The following NDC80 variants were observed in gnomAD, a reference collection of about 807,000 sequenced individuals.
NDC80 encodes kinetochore protein NDC80 homolog.
Under a neutral mutation model 89.3 loss-of-function variants are expected in NDC80, and 69 were observed. That is an observed-to-expected ratio of 0.77 (90% CI 0.64 to 0.94). The LOEUF (loss-of-function observed/expected upper bound fraction) is 0.94. Ranked by LOEUF, NDC80 falls within the 40% of genes least tolerant of loss-of-function variation. The probability of loss-of-function intolerance (pLI) is 0.00; values close to 1 mark genes in which losing one functional copy is unlikely to be tolerated. For missense variants in NDC80, 593 were observed against 739.6 expected (o/e 0.80, Z 2.30); for synonymous variants, 243 against 255.6 (o/e 0.95, Z 0.47).
Position 2,577,848 on chromosome 18 carries a change from G to A in NDC80, c.282G>A (p.Gln94=), listed in dbSNP as rs377276946. The change falls in exon 4 of 17, where the codon CAG becomes CAA. Residue 94 remains glutamine, a synonymous_variant. Coordinates refer to ENST00000261597, the MANE Select transcript of NDC80 (RefSeq NM_006101.3). The stretch of plus-strand genomic sequence containing the variant: ...TTAATGACAAAGCATTCATTCAGCA[G>A]TGTATTCGACAACTCTGTGAGGTAC... The part of the protein sequence containing the change: ...RPLNDKAFIQ[Q]CIRQLCEFLT... The A allele has an allele frequency of 1.9e-6, 3 of 1,613,998 alleles. No homozygotes were observed. In the African/African-American group the frequency reaches 4.0e-5, roughly 22 times the overall value.
At chr18:2,592,473 A>C (rs2072632650) in intron 10 of NDC80, among the ~76,000 whole-genome samples, 1 of 150,998 alleles carries the variant, frequency 6.6e-6, no homozygotes, top group Non-Finnish European at 1.5e-5. Context: ...CTCCTCCCTC[A>C]GTTTCCCAAG....
chr18:2,610,692 G>A, intron 15 of NDC80, 67 bp from the exon 16 acceptor site: 2 of 982,550 alleles, frequency 2.0e-6, no homozygotes, highest in Non-Finnish European at 3.0e-6. Flanking sequence ...AATGGGAAGT[G>A]AGCTAACTAG....
At chr18:2,609,313 C>G (rs1208440056) in intron 15 of NDC80, among the ~76,000 whole-genome samples, 1 of 152,076 alleles carries the variant, frequency 6.6e-6, no homozygotes, top group East Asian at 1.9e-4. Context: ...TGTGCAAAAT[C>G]ATGCCATAAA....
intron 3 of NDC80, among the ~76,000 whole-genome samples, chr18:2,576,090 C>T (rs2072545176): frequency 1.3e-5 from 2 of 152,142 alleles, no homozygotes; most frequent in Non-Finnish European, 2.9e-5. Flanking sequence ...CAGAGAAACA[C>T]CCTGTCTCAA....
chr18:2,610,707 G>A (rs2072738493), intron 15 of NDC80, 52 bp from the exon 16 acceptor site: 1 of 1,216,460 alleles, frequency 8.2e-7, no homozygotes, highest in Admixed American at 2.0e-5. Context: ...AACTAGAACG[G>A]ATGTATTAAT....
At position 2,606,459 on chromosome 18, in the gene NDC80, G is replaced by T; in HGVS notation, c.1509G>T (p.Leu503=). Residue 503 remains leucine (L), a synonymous_variant, in exon 14 of 17, where the codon CTG becomes CTT. Coordinates refer to ENST00000261597, the MANE Select transcript of NDC80 (RefSeq NM_006101.3). ...ITESKRSVRT[L]KEEVQKLDDL... ...AAAGCAAGAGAAGTGTGAGAACTCT[G>T]AAAGAAGAAGTTCAAAAGCTGGATG... 6.2e-7 allele frequency: 1 copy of T among 1,604,396 alleles called. No individual in the cohort carries two copies. Among genetic ancestry groups the T allele is most frequent in the East Asian group, 2.3e-5 (1 of 44,250 alleles).
In NDC80 at chr18:2,577,563, G is replaced by A. The variant is rs114018491; in HGVS notation, c.180-183G>A. On this transcript the variant is annotated intron_variant, in intron 3 of 16. Transcript: ENST00000261597. ...TTTTACATCCTTATCTTTAACTGCT[G>A]TAACCTCATATTTTACTCTTCGTTA... 3.8e-3 allele frequency among the ~76,000 whole-genome samples: 572 copies of A among 152,254 alleles called. 5 individuals are homozygous for A. Among genetic ancestry groups the A allele is most frequent in the African/African-American group, 0.013 (556 of 41,536 alleles).
intron 13 of NDC80, among the ~76,000 whole-genome samples, chr18:2,602,328 A>AAG (rs2072687931): frequency 6.6e-6 from 1 of 152,214 alleles, no homozygotes; most frequent in Admixed American, 6.5e-5. Flanking sequence ...ATCAAGACTT[A>AAG]CTTTGTATTA....
Position 2,579,029 on chromosome 18 carries a change from G to T in NDC80, c.579G>T (p.Lys193Asn). 1 of 1,516,462 alleles carries T rather than the reference G, an allele frequency of 6.6e-7. No individual in the cohort carries two copies. Among genetic ancestry groups the T allele is most frequent in the Non-Finnish European group, 8.8e-7 (1 of 1,130,216 alleles). The allele number at this position is 1,516,462 out of a possible 1,614,324, so 93.9% of individuals were successfully genotyped here. ...TAGTTTGGCTAATAGACTGCATCAA[G>T]GTATTTGATTTGTTCTTTTGAAATG... ...AALVWLIDCI[K>N]IHTAMKESSP... Residue 193 changes from lysine to asparagine, a missense_variant and splice_region_variant, in exon 6 of 17, where the codon AAG becomes AAT. Transcript: ENST00000261597.
intron 10 of NDC80, chr18:2,593,904 C>CTTTAT: frequency 5.5e-6 from 1 of 183,242 alleles, no homozygotes; most frequent in Admixed American, 9.4e-5. Context: ...TTTTATTTTA[C>CTTTAT]TTTATTTTAT....
At chr18:2,578,575 CAG>C (rs796280558) in intron 5 of NDC80, among the ~76,000 whole-genome samples, 3 of 152,016 alleles carry the variant, frequency 2.0e-5, no homozygotes, top group African/African-American at 7.2e-5. Flanking sequence ...CTGGTGAAAA[CAG>C]AGTGTGATGA....
Position 2,601,822 on chromosome 18 carries a change from C to T in NDC80, c.1464+337C>T, listed in dbSNP as rs543124263. Among the ~76,000 whole-genome samples, 32 of 152,050 alleles carry T rather than the reference C, an allele frequency of 2.1e-4. 1 individual carries two copies. The highest frequency in any genetic ancestry group is 6.7e-4 in the African/African-American group (28 of 41,512). On this transcript the variant is annotated intron_variant, in intron 13 of 16. Transcript: ENST00000261597. ...CCTTGAAAGTAGGCAAGTATAATTACGGCGTTAGAAGCTAATTAGCTGTGA... is the reference window on the plus strand; with the variant it reads ...CCTTGAAAGTAGGCAAGTATAATTATGGCGTTAGAAGCTAATTAGCTGTGA...
rs1598366870 is a variant in NDC80 at position 2,587,811 on chromosome 18, A to G, written c.670-19A>G. 1.3e-6 allele frequency: 2 copies of G among 1,591,680 alleles called. No individual in the cohort carries two copies. The highest frequency in any genetic ancestry group is 4.5e-5 in the East Asian group (2 of 44,592). On this transcript the variant is annotated intron_variant, in intron 7 of 16. Transcript: ENST00000261597. Reference sequence around the variant, plus strand: ...TAGAGAATCATAACTTTGTTTCTAAAATCTGCTTAACCCCATAGTTGTTTT... The same window carrying G: ...TAGAGAATCATAACTTTGTTTCTAAGATCTGCTTAACCCCATAGTTGTTTT...
intron 13 of NDC80, among the ~76,000 whole-genome samples, chr18:2,602,005 T>A (rs2072686545): frequency 6.6e-6 from 1 of 152,102 alleles, no homozygotes; most frequent in Non-Finnish European, 1.5e-5. Flanking sequence ...AAAGGAAAAT[T>A]CTATTATTGT....
At chr18:2,573,940 C>T (rs550921107) in intron 2 of NDC80, among the ~76,000 whole-genome samples, 190 of 141,090 alleles carry the variant, frequency 1.3e-3, no homozygotes, top group Non-Finnish European at 2.2e-3. Context: ...AGAGCAGGCT[C>T]TAAAAAAAAA....
intron 16 of NDC80, chr18:2,614,988 G>A (rs2072777794): frequency 6.6e-6 from 1 of 152,294 alleles, no homozygotes; most frequent in African/African-American, 2.4e-5. Context: ...CGCATGCTAA[G>A]GAACACCAAG....
chr18:2,584,366 A>G lies in NDC80; in HGVS notation c.580-747A>G, dbSNP rs184067801. On this transcript the variant is annotated intron_variant, in intron 6 of 16. Coordinates refer to ENST00000261597, the MANE Select transcript of NDC80 (RefSeq NM_006101.3). Reference sequence around the variant, plus strand: ...AGATATTAATAGATAATATATTTATATCTAGTATATCTGTGTTTATATCTA... The same window carrying G: ...AGATATTAATAGATAATATATTTATGTCTAGTATATCTGTGTTTATATCTA... Among the ~76,000 whole-genome samples, 136 of 151,168 alleles carry G rather than the reference A, an allele frequency of 9.0e-4. 2 individuals are homozygous for G. The highest frequency in any genetic ancestry group is 5.8e-4 in the East Asian group (3 of 5,174).
chr18:2,610,332 T>C (rs1256102695), intron 15 of NDC80, among the ~76,000 whole-genome samples: 1 of 152,230 alleles, frequency 6.6e-6, no homozygotes, highest in Non-Finnish European at 1.5e-5. Context: ...TTCACTTCTT[T>C]ATTTGTAGGC....
At chr18:2,597,923 T>C (rs1320866897) in intron 11 of NDC80, among the ~76,000 whole-genome samples, 1 of 152,156 alleles carries the variant, frequency 6.6e-6, no homozygotes, top group Non-Finnish European at 1.5e-5. Context: ...GGAATGGGGA[T>C]GGATGTGTTA....
Sources: allele counts gnomAD v4.1 joint callset (sites outside exome capture counted in the v4.1 genomes callset), GRCh38; gene constraint gnomAD v4.1.1; transcripts MANE v1.5; gene names NCBI Gene and HGNC (gene_info 2026-07-23, HGNC 2026-07-21).